The following HDAC9 variants were observed in gnomAD, a reference collection of about 807,000 sequenced individuals.
HDAC9 encodes the protein histone deacetylase 9, also known as MEF-2 interacting transcription repressor (MITR) protein.
In HDAC9, 41 loss-of-function variants were observed where a neutral mutation model predicts 139.4. The ratio of observed to expected loss-of-function variants is 0.29; its 90% CI spans 0.23 to 0.38. HDAC9 has a LOEUF of 0.38. Ranked by LOEUF, HDAC9 falls within the 10% of genes least tolerant of loss-of-function variation. The pLI is 1.00. For synonymous variants in HDAC9, 517 were observed against 476.2 expected, an observed-to-expected ratio of 1.09 and a Z score of -1.12; for missense variants, 1,147 against 1,297.0, an observed-to-expected ratio of 0.88 and a Z score of 1.78.
At chr7:18,927,282 C>G (rs752986704) in intron 22 of HDAC9, among the ~76,000 whole-genome samples, 3 of 152,096 alleles carry the variant, frequency 2.0e-5, no homozygotes, top group Non-Finnish European at 4.4e-5. Flanking sequence ...ATTACAGCAC[C>G]ATGAGTCTTA....
chr7:18,835,387 G>A, intron 19 of HDAC9, 80 bp from the exon 20 acceptor site: 1 of 1,403,272 alleles, frequency 7.1e-7, no homozygotes, highest in Admixed American at 2.5e-5. Context: ...TAGAAAGACA[G>A]GGAACTAGAA....
At chr7:18,939,888 T>C (rs917982911) in intron 23 of HDAC9, among the ~76,000 whole-genome samples, 2 of 152,216 alleles carry the variant, frequency 1.3e-5, no homozygotes, top group African/African-American at 2.4e-5. Context: ...CTTTAGTTTC[T>C]CAACACTGAA....
intron 2 of HDAC9, among the ~76,000 whole-genome samples, chr7:18,168,897 T>TGTGTGTGTG (rs1554318207): frequency 5.0e-4 from 47 of 94,334 alleles, no homozygotes; most frequent in African/African-American, 2.3e-3. Context: ...TTTTTTTTTT[T>TGTGTGTGTG]TGTGTGTGTG....
chr7:18,982,236 T>C (rs1291655813), intron 25 of HDAC9, among the ~76,000 whole-genome samples: 1 of 152,170 alleles, frequency 6.6e-6, no homozygotes, highest in African/African-American at 2.4e-5. Flanking sequence ...GGTTTTCATA[T>C]CCAGTTTTAC....
At chr7:18,511,970 GGAAAAAA>G (rs1449736321) in intron 2 of HDAC9, among the ~76,000 whole-genome samples, 11 of 146,510 alleles carry the variant, frequency 7.5e-5, no homozygotes, top group Admixed American at 6.9e-4. Flanking sequence ...ATTGGTTAAA[GGAAAAAA>G]GTCTATCAGT....
intron 12 of HDAC9, among the ~76,000 whole-genome samples, chr7:18,694,405 T>C (rs1158561611): frequency 6.6e-6 from 1 of 152,158 alleles, no homozygotes; most frequent in African/African-American, 2.4e-5. Flanking sequence ...TCATTTTCTT[T>C]AGGGTTAATT....
intron 1 of HDAC9, among the ~76,000 whole-genome samples, chr7:18,098,229 T>C (rs1390459722): frequency 6.6e-6 from 1 of 152,222 alleles, no homozygotes; most frequent in Non-Finnish European, 1.5e-5. Context: ...ATGGCTGAGA[T>C]CTTTATGCAA....
intron 19 of HDAC9, among the ~76,000 whole-genome samples, chr7:18,834,381 T>G (rs533912230): frequency 3.6e-5 from 5 of 140,202 alleles, no homozygotes; most frequent in Admixed American, 1.4e-4. Context: ...AATTGAGGTG[T>G]TTTTTTTTTA....
chr7:18,218,429 G>A (rs540912288), intron 2 of HDAC9, among the ~76,000 whole-genome samples: 37 of 152,066 alleles, frequency 2.4e-4, no homozygotes, highest in Non-Finnish European at 5.0e-4. Context: ...GGGAGACAGG[G>A]AGAGACTCTG....
chr7:18,765,485 T>C (rs546954318), intron 15 of HDAC9, among the ~76,000 whole-genome samples: 5 of 152,096 alleles, frequency 3.3e-5, no homozygotes, highest in Non-Finnish European at 7.4e-5. Flanking sequence ...CCAGGCATGG[T>C]GATGCGCACC....
chr7:18,975,480 A>C (rs1257000617), intron 24 of HDAC9, among the ~76,000 whole-genome samples: 2 of 152,176 alleles, frequency 1.3e-5, no homozygotes, highest in Non-Finnish European at 2.9e-5. Context: ...TGGGTTTCCC[A>C]GGGAGCGTGA....
chr7:18,184,290 C>A (rs1434299467), intron 2 of HDAC9, among the ~76,000 whole-genome samples: 1 of 152,052 alleles, frequency 6.6e-6, no homozygotes, highest in Non-Finnish European at 1.5e-5. Flanking sequence ...TCCAGCTCTA[C>A]TTGGGAGGCT....
chr7:18,184,711 A>T (rs888478368), intron 2 of HDAC9, among the ~76,000 whole-genome samples: 6 of 152,018 alleles, frequency 3.9e-5, no homozygotes, highest in Non-Finnish European at 7.4e-5. Context: ...TGTTCTCTTG[A>T]CCCTCGGATT....
At chr7:18,254,042 G>A (rs1260095060) in intron 2 of HDAC9, among the ~76,000 whole-genome samples, 2 of 152,202 alleles carry the variant, frequency 1.3e-5, no homozygotes, top group Non-Finnish European at 2.9e-5. Flanking sequence ...TAAACATCAT[G>A]CATTGATGTA....
chr7:18,153,355 G>T (rs1234852116), intron 1 of HDAC9, among the ~76,000 whole-genome samples: 1 of 151,768 alleles, frequency 6.6e-6, no homozygotes, highest in Non-Finnish European at 1.5e-5. Context: ...ATTTTCTGGG[G>T]TCAAATACCC....
chr7:18,607,990 G>A (rs1036298728), intron 6 of HDAC9, among the ~76,000 whole-genome samples: 5 of 151,974 alleles, frequency 3.3e-5, no homozygotes, highest in African/African-American at 9.7e-5. Flanking sequence ...TGAGAAAATG[G>A]CAAAAAATAA....
At chr7:18,536,767 A>G (rs1811047778) in intron 2 of HDAC9, among the ~76,000 whole-genome samples, 1 of 152,216 alleles carries the variant, frequency 6.6e-6, no homozygotes, top group Non-Finnish European at 1.5e-5. Flanking sequence ...ATTATTAACT[A>G]AATTGTATAC....
intron 16 of HDAC9, among the ~76,000 whole-genome samples, chr7:18,767,481 C>G (rs1027251038): frequency 1.3e-5 from 2 of 152,196 alleles, no homozygotes; most frequent in African/African-American, 4.8e-5. Context: ...AGAAAAGGTG[C>G]TTCAAGAGAG....
chr7:18,775,436 G>A (rs561241901), intron 16 of HDAC9, among the ~76,000 whole-genome samples: 6 of 151,978 alleles, frequency 3.9e-5, no homozygotes, highest in East Asian at 1.9e-4. Flanking sequence ...TCTTCCTGAC[G>A]ATCTGTAAGC....
Sources: gnomAD v4.1 joint callset for allele counts (sites outside exome capture counted in the v4.1 genomes callset) on GRCh38, gnomAD v4.1.1 for gene constraint, MANE v1.5 for transcripts, NCBI Gene and HGNC (gene_info 2026-07-23, HGNC 2026-07-21) for gene names.